Variants in PEAK1 observed in about 807,000 individuals in gnomAD.
The protein encoded by PEAK1 is pseudopodium enriched atypical kinase 1, also known as inactive tyrosine-protein kinase PEAK1.
In PEAK1, 54 loss-of-function variants were observed where a neutral mutation model predicts 124.7. The ratio of observed to expected loss-of-function variants is 0.43; its 90% confidence interval spans 0.35 to 0.54. PEAK1 has a LOEUF of 0.54. Ranked by LOEUF, PEAK1 falls within the 20% of genes least tolerant of loss-of-function variation. The probability of loss-of-function intolerance (pLI) is 0.01; values close to 1 mark genes in which losing one functional copy is unlikely to be tolerated. For missense variants in PEAK1, 2,046 were observed against 2,134.5 expected (o/e 0.96, Z 0.82); for synonymous variants, 719 against 760.0 (o/e 0.95, Z 0.89).
At chr15:77,135,278 T>C (rs1215764036) in intron 8 of PEAK1, among the ~76,000 whole-genome samples, 1 of 152,046 alleles carries the variant, frequency 6.6e-6, no homozygotes, top group East Asian at 1.9e-4. Flanking sequence ...TGAATAGGGG[T>C]GGTGGTTTGT....
At chr15:77,249,684 T>C (rs1363345810) in intron 6 of PEAK1, among the ~76,000 whole-genome samples, 2 of 152,158 alleles carry the variant, frequency 1.3e-5, no homozygotes, top group Non-Finnish European at 2.9e-5. Context: ...TATAGAGAGA[T>C]GAAGTTCTTA....
intron 6 of PEAK1, among the ~76,000 whole-genome samples, chr15:77,195,657 A>G (rs944933837): frequency 2.0e-5 from 3 of 152,170 alleles, no homozygotes; most frequent in Non-Finnish European, 2.9e-5. Context: ...CTACATGTAT[A>G]CTTTATACCA....
intron 7 of PEAK1, among the ~76,000 whole-genome samples, chr15:77,172,431 A>C (rs116205467): frequency 0.022 from 3,379 of 152,220 alleles, 106 homozygotes; most frequent in African/African-American, 0.071. Flanking sequence ...CTGCTTAAAA[A>C]TTTGGATTTT....
intron 8 of PEAK1, among the ~76,000 whole-genome samples, chr15:77,141,655 C>T (rs181783560): frequency 3.3e-5 from 5 of 152,186 alleles, no homozygotes; most frequent in Admixed American, 1.3e-4. Flanking sequence ...ATCAAGAGTA[C>T]GTGGTACTGG....
intron 2 of PEAK1, among the ~76,000 whole-genome samples, chr15:77,344,641 T>C (rs1237691625): frequency 6.6e-6 from 1 of 152,224 alleles, no homozygotes; most frequent in African/African-American, 2.4e-5. Flanking sequence ...AATCTATAAA[T>C]TGCTTTGGGT....
chr15:77,270,490 A>C (rs1189301533), intron 5 of PEAK1, among the ~76,000 whole-genome samples: 1 of 152,170 alleles, frequency 6.6e-6, no homozygotes, highest in Admixed American at 6.6e-5. Flanking sequence ...AATAACAGAC[A>C]AACAGAGAGC....
At chr15:77,298,756 C>T (rs1049879148) in intron 2 of PEAK1, among the ~76,000 whole-genome samples, 4 of 151,930 alleles carry the variant, frequency 2.6e-5, no homozygotes, top group African/African-American at 9.7e-5. Flanking sequence ...TTTTCTTTTC[C>T]TCATCTCTGG....
At chr15:77,398,072 A>T (rs560431886) in intron 1 of PEAK1, among the ~76,000 whole-genome samples, 60 of 152,316 alleles carry the variant, frequency 3.9e-4, no homozygotes, top group African/African-American at 1.4e-3. Flanking sequence ...TCTCAAAAAA[A>T]TAAATAAAAT....
intron 1 of PEAK1, among the ~76,000 whole-genome samples, chr15:77,394,088 T>C (rs563269759): frequency 1.3e-5 from 2 of 152,140 alleles, no homozygotes; most frequent in African/African-American, 4.8e-5. Context: ...TCTTGTGGCT[T>C]GAATGCCAGC....
At chr15:77,134,786 C>A (rs2053176552) in intron 8 of PEAK1, among the ~76,000 whole-genome samples, 1 of 152,034 alleles carries the variant, frequency 6.6e-6, no homozygotes, top group Non-Finnish European at 1.5e-5. Context: ...GAATTATATC[C>A]CCCAAAAAGG....
chr15:77,192,553 A>G (rs2057887593), intron 6 of PEAK1, among the ~76,000 whole-genome samples: 1 of 152,216 alleles, frequency 6.6e-6, no homozygotes, highest in African/African-American at 2.4e-5. Context: ...CATCAGTGAG[A>G]TATCTACCTG....
chr15:77,265,349 C>G (rs1185606865), intron 5 of PEAK1, among the ~76,000 whole-genome samples: 1 of 152,120 alleles, frequency 6.6e-6, no homozygotes, highest in Admixed American at 6.6e-5. Context: ...TTTTCGCAAC[C>G]TACTCATCTG....
At chr15:77,254,728 C>G (rs571593297) in intron 5 of PEAK1, among the ~76,000 whole-genome samples, 4 of 152,120 alleles carry the variant, frequency 2.6e-5, no homozygotes, top group African/African-American at 9.7e-5. Context: ...CCACCATGCC[C>G]GCTGACATAC....
At chr15:77,312,912 T>A (rs1489812367) in intron 2 of PEAK1, among the ~76,000 whole-genome samples, 1 of 152,206 alleles carries the variant, frequency 6.6e-6, no homozygotes, top group African/African-American at 2.4e-5. Flanking sequence ...TAGAAATGGA[T>A]AATCAGTGAG....
intron 6 of PEAK1, among the ~76,000 whole-genome samples, chr15:77,226,279 GA>G (rs2059672501): frequency 6.8e-6 from 1 of 147,264 alleles, no homozygotes; most frequent in African/African-American, 2.5e-5. Flanking sequence ...TGTTTGAAAA[GA>G]AAATCTGAAA....
chr15:77,173,112 T>C (rs116600261), intron 7 of PEAK1, among the ~76,000 whole-genome samples: 3,372 of 152,202 alleles, frequency 0.022, 104 homozygotes, highest in African/African-American at 0.071. Context: ...CAAACTCTCC[T>C]AGTACAATAT....
chr15:77,326,668 T>C (rs1034156108), intron 2 of PEAK1, among the ~76,000 whole-genome samples: 4 of 152,078 alleles, frequency 2.6e-5, no homozygotes, highest in South Asian at 2.1e-4. Flanking sequence ...CCTAGCAATG[T>C]TGAAAAAACA....
chr15:77,409,237 CTTTATT>C (rs2072197190), intron 1 of PEAK1, among the ~76,000 whole-genome samples: 1 of 152,032 alleles, frequency 6.6e-6, no homozygotes, highest in Non-Finnish European at 1.5e-5. Context: ...AAATTAAAAT[CTTTATT>C]TTTAAATGGA....
rs546374014 is a variant in PEAK1, at chr15:77,269,441, A to G, written c.-275+14442T>C. ...ACAAAGAGAGATACTACATAATGAT[A>G]AAAGGTCTAATACAACAGGAAAGTA... On this transcript the variant is annotated intron_variant, in intron 5 of 9. Transcript: ENST00000682557. Among the ~76,000 whole-genome samples, 181 of 152,296 alleles carry G rather than the reference A, an allele frequency of 1.2e-3. 2 individuals are homozygous for G. The highest frequency in any genetic ancestry group is 4.2e-3 in the African/African-American group (176 of 41,560).
Sources: gnomAD v4.1 joint callset for allele counts (sites outside exome capture counted in the v4.1 genomes callset) on GRCh38, gnomAD v4.1.1 for gene constraint, MANE v1.5 for transcripts, NCBI Gene and HGNC (gene_info 2026-07-23, HGNC 2026-07-21) for gene names.